Variants in FKBP1B observed in about 807,000 individuals in gnomAD.
The protein encoded by FKBP1B is FKBP prolyl isomerase 1B.
A neutral mutation model predicts 13.5 loss-of-function variants in FKBP1B; 4 were observed. The observed-to-expected ratio is 0.30, with a 90% CI of 0.15 to 0.68. FKBP1B has a LOEUF of 0.68. Among genes scored for constraint, FKBP1B ranks in the 30% least tolerant of loss-of-function variants. The pLI is 0.76. For missense variants in FKBP1B, 93 were observed against 136.2 expected, an observed-to-expected ratio of 0.68 and a Z score of 1.58; for synonymous variants, 54 against 53.6, an observed-to-expected ratio of 1.01 and a Z score of -0.03.
chr2:24,040,959 T>C, the FKBP1B span, among the ~76,000 whole-genome samples: 1 of 151,984 alleles, frequency 6.6e-6, no homozygotes, highest in Admixed American at 6.6e-5. Context: ...GAGGCTACAG[T>C]GAGCTGAGAT....
chr2:24,038,774 G>A, the FKBP1B span: 2 of 1,614,174 alleles, frequency 1.2e-6, no homozygotes, highest in Non-Finnish European at 8.5e-7. Context: ...TTACTGTTAG[G>A]TGGGATATTA....
the FKBP1B span, chr2:24,038,731 C>A: frequency 6.2e-7 from 1 of 1,614,054 alleles, no homozygotes; most frequent in Non-Finnish European, 8.5e-7. Flanking sequence ...GCGTACTTCA[C>A]CAATAACTGG....
At position 24,050,899 on chromosome 2, in the gene FKBP1B, T is replaced by A. The variant is rs141553428; in HGVS notation, c.37+1013T>A. ...GGCTTCTTTGCCCACGCAGGAAACA[T>A]TGCTGCTGGGTCCCAGAAAGCATCT... On this transcript the variant is annotated intron_variant, in intron 1 of 3. Transcript: ENST00000380986. This position sits in a 1 kb window ranked among gnomAD's most constrained non-coding sequence, Gnocchi z 5.8. 1.3e-5 allele frequency among the ~76,000 whole-genome samples: 2 copies of A among 152,336 alleles called. No homozygotes were observed. Among genetic ancestry groups the A allele is most frequent in the Non-Finnish European group, 2.9e-5 (2 of 68,022 alleles).
At chr2:24,034,389 C>T in the FKBP1B span, among the ~76,000 whole-genome samples, 7 of 151,924 alleles carry the variant, frequency 4.6e-5, no homozygotes, top group East Asian at 1.9e-4. Flanking sequence ...CACTGCACTC[C>T]GGCCTGGGTG....
At chr2:24,035,428 A>G in the FKBP1B span, among the ~76,000 whole-genome samples, 2 of 152,158 alleles carry the variant, frequency 1.3e-5, no homozygotes. Context: ...GAACAGGCTG[A>G]AGAAACATAG....
rs1663762451 is a variant in FKBP1B, at chr2:24,049,794, G to A, written c.-56G>A. ...CGACGGCGGGGCTGGGGCCGGAGCC[G>A]AGCCGGGGTCGGGCAGCAGCAGGGA... is the stretch of plus-strand genomic sequence containing the variant. On this transcript the variant is annotated 5_prime_UTR_variant, in exon 1 of 4. Coordinates refer to ENST00000380986, the MANE Select transcript of FKBP1B (RefSeq NM_004116.5). 7 of 1,306,636 alleles carry A rather than the reference G, an allele frequency of 5.4e-6. No individual in the cohort carries two copies. Among genetic ancestry groups the A allele is most frequent in the African/African-American group, 1.5e-5 (1 of 65,226 alleles). The allele number at this position is 1,306,636 out of a possible 1,614,324, so 80.9% of individuals were successfully genotyped here. A position where few individuals can be genotyped will look rare whatever the true frequency, so the allele number is the denominator to read the frequency against.
chr2:24,037,648 T>TGTG, the FKBP1B span: 1 of 1,576,830 alleles, frequency 6.3e-7, no homozygotes, highest in Non-Finnish European at 8.6e-7. Flanking sequence ...CTTTTATGTA[T>TGTG]AGTGGTAGTT....
chr2:24,040,617 T>G, the FKBP1B span, among the ~76,000 whole-genome samples: 1 of 152,270 alleles, frequency 6.6e-6, no homozygotes, highest in Non-Finnish European at 1.5e-5. Context: ...TATTGCATTT[T>G]ATCTTACAAT....
the FKBP1B span, among the ~76,000 whole-genome samples, chr2:24,037,007 A>G: frequency 6.6e-6 from 1 of 152,274 alleles, no homozygotes; most frequent in Admixed American, 6.5e-5. Flanking sequence ...GAAATGCATC[A>G]AAACATTTTA....
rs550864711 is a variant in FKBP1B at position 24,063,362 on chromosome 2, T to C, written c.*170T>C. The C allele has an allele frequency of 3.3e-5, 20 of 607,400 alleles. No homozygotes were observed. The highest frequency in any genetic ancestry group is 9.3e-5 in the South Asian group (3 of 32,364). 37.6% of individuals were successfully genotyped at this position (607,400 alleles called of 1,614,324 possible). ...AAGTTGCTCTGTATGTGTTCGTCAG[T>C]GTTCATGCGAATTCTTGCTTGAGGA... On this transcript the variant is annotated 3_prime_UTR_variant, in exon 4 of 4. Coordinates refer to ENST00000380986, the MANE Select transcript of FKBP1B (RefSeq NM_004116.5).
At chr2:24,037,177 C>T in the FKBP1B span, among the ~76,000 whole-genome samples, 2 of 152,194 alleles carry the variant, frequency 1.3e-5, no homozygotes, top group African/African-American at 4.8e-5. Flanking sequence ...CGCCCATCAC[C>T]ATGCCCAGCT....
chr2:24,060,738 T>TTTTAG, intron 2 of FKBP1B, 76 bp from the exon 3 acceptor site: 1 of 1,070,182 alleles, frequency 9.3e-7, no homozygotes, highest in Non-Finnish European at 1.4e-6. Flanking sequence ...AGGCATTCCA[T>TTTTAG]TTTAGACATG....
intron 1 of FKBP1B, among the ~76,000 whole-genome samples, chr2:24,051,513 C>T (rs1663873772): frequency 6.6e-6 from 1 of 152,144 alleles, no homozygotes; most frequent in African/African-American, 2.4e-5. Flanking sequence ...CTTTTTCCTC[C>T]AGCTTTCCCA....
At chr2:24,039,014 A>G in the FKBP1B span, 1 of 1,614,208 alleles carries the variant, frequency 6.2e-7, no homozygotes, top group East Asian at 2.2e-5. Flanking sequence ...CAACATGCAC[A>G]GTGAATGCGG....
chr2:24,038,073 T>C, the FKBP1B span: 36 of 1,614,150 alleles, frequency 2.2e-5, no homozygotes, highest in East Asian at 2.2e-4. Flanking sequence ...GCCCTTTGTT[T>C]TGGTGACAAA....
At chr2:24,048,271 A>C (rs1663695727), upstream of FKBP1B, among the ~76,000 whole-genome samples, 1 of 151,804 alleles carries the variant, frequency 6.6e-6, no homozygotes, top group Non-Finnish European at 1.5e-5. Context: ...GGAGTTCGAG[A>C]CCAGCCTGGC....
chr2:24,049,054 C>T (rs537630656), upstream of FKBP1B, among the ~76,000 whole-genome samples: 3 of 152,156 alleles, frequency 2.0e-5, no homozygotes, highest in Non-Finnish European at 4.4e-5. Flanking sequence ...CAGCTCTGCT[C>T]CTACAGATCC....
At position 24,050,923 on chromosome 2, in the gene FKBP1B, C is replaced by G. The variant is rs1288915034; in HGVS notation, c.37+1037C>G. ...ATTGCTGCTGGGTCCCAGAAAGCATCTCCCTGAGGCCTTTTCATCCCTCAG... is the reference window on the plus strand; with the variant it reads ...ATTGCTGCTGGGTCCCAGAAAGCATGTCCCTGAGGCCTTTTCATCCCTCAG... On this transcript the variant is annotated intron_variant, in intron 1 of 3. Transcript: ENST00000380986. The surrounding 1 kb of genome is among the most constrained non-coding windows in gnomAD (Gnocchi z 5.8). Among the ~76,000 whole-genome samples the G allele has an allele frequency of 2.6e-5, 4 of 152,230 alleles. No individual in the cohort carries two copies. Among genetic ancestry groups the G allele is most frequent in the Non-Finnish European group, 5.9e-5 (4 of 68,038 alleles).
chr2:24,057,736 C>G (rs1462217407), intron 2 of FKBP1B, among the ~76,000 whole-genome samples: 1 of 151,924 alleles, frequency 6.6e-6, no homozygotes, highest in African/African-American at 2.4e-5. Context: ...AGGATGGTCT[C>G]AAACTCCTGG....
Sources: gnomAD v4.1 joint callset for allele counts (sites outside exome capture counted in the v4.1 genomes callset) on GRCh38, gnomAD v4.1.1 for gene constraint, Gnocchi (gnomAD v3.1) non-coding constraint, MANE v1.5 for transcripts, NCBI Gene and HGNC (gene_info 2026-07-23, HGNC 2026-07-21) for gene names.